The following SLC2A9 variants were observed in gnomAD, a reference collection of about 807,000 sequenced individuals.
SLC2A9 encodes solute carrier family 2 member 9, also known as solute carrier family 2, facilitated glucose transporter member 9.
SLC2A9 carries 39 observed loss-of-function variants against 50.6 expected under a neutral mutation model. The ratio of observed to expected loss-of-function variants is 0.77; its 90% CI spans 0.60 to 1.01. SLC2A9 has a LOEUF of 1.01. Ranked by LOEUF, SLC2A9 falls within the 50% of genes least tolerant of loss-of-function variation. SLC2A9 has a pLI of 0.00. For synonymous variants in SLC2A9, 324 were observed against 276.9 expected, an observed-to-expected ratio of 1.17 and a Z score of -1.69; for missense variants, 686 against 677.6, an observed-to-expected ratio of 1.01 and a Z score of -0.14.
intron 1 of SLC2A9, 88 bp from the exon 2 acceptor site, chr4:10,019,161 A>AAC: frequency 9.2e-7 from 1 of 1,090,374 alleles, no homozygotes; most frequent in Non-Finnish European, 1.4e-6. Context: ...CAGCTGGGGG[A>AAC]GGCCTTCCGG....
intron 5 of SLC2A9, among the ~76,000 whole-genome samples, chr4:9,951,149 T>C (rs183326701): frequency 2.6e-5 from 4 of 152,320 alleles, no homozygotes; most frequent in Admixed American, 2.6e-4. Flanking sequence ...TGGAATACTA[T>C]TTAGCCATTA....
At chr4:9,869,485 T>G (rs572584384) in intron 10 of SLC2A9, among the ~76,000 whole-genome samples, 1 of 152,286 alleles carries the variant, frequency 6.6e-6, no homozygotes, top group East Asian at 1.9e-4. Flanking sequence ...CTCCTTCCTC[T>G]TACAATGCCC....
chr4:10,033,934 G>A (rs532916633), intron 1 of SLC2A9, among the ~76,000 whole-genome samples: 3 of 152,136 alleles, frequency 2.0e-5, no homozygotes, highest in Non-Finnish European at 4.4e-5. Flanking sequence ...AGAGCTTTCC[G>A]CCCTTTTCAA....
At chr4:9,801,763 G>A (rs1721438424) in intron 3 of SLC2A9, among the ~76,000 whole-genome samples, 1 of 152,196 alleles carries the variant, frequency 6.6e-6, no homozygotes, top group Admixed American at 6.5e-5. Flanking sequence ...TCTCCTGCAC[G>A]TGGTGAATCT....
At chr4:9,832,615 G>C (rs1009830132) in intron 11 of SLC2A9, among the ~76,000 whole-genome samples, 1 of 152,184 alleles carries the variant, frequency 6.6e-6, no homozygotes, top group Non-Finnish European at 1.5e-5. Context: ...AATGCCCACA[G>C]GCATAAGAAA....
At chr4:9,888,116 T>TGG (rs60693286) in intron 9 of SLC2A9, among the ~76,000 whole-genome samples, 6 of 103,876 alleles carry the variant, frequency 5.8e-5, no homozygotes, top group East Asian at 2.7e-4. Flanking sequence ...GGGCCTGTTT[T>TGG]GGGGGGTGGG....
intron 11 of SLC2A9, among the ~76,000 whole-genome samples, chr4:9,833,397 A>G (rs184988464): frequency 1.3e-5 from 2 of 152,222 alleles, no homozygotes; most frequent in Non-Finnish European, 2.9e-5. Flanking sequence ...GAAGTTGAGC[A>G]CAAGGTGGTG....
intron 3 of SLC2A9, among the ~76,000 whole-genome samples, chr4:9,810,393 A>G (rs1159512882): frequency 1.3e-5 from 2 of 152,220 alleles, no homozygotes. Context: ...CAGGTGCAGC[A>G]TGAGCTCAGG....
intron 5 of SLC2A9, among the ~76,000 whole-genome samples, chr4:9,973,627 C>T (rs1264131353): frequency 1.4e-5 from 2 of 146,804 alleles, no homozygotes; most frequent in Non-Finnish European, 3.0e-5. Context: ...AACCAAACAC[C>T]GCATGTTCTC....
At chr4:9,850,733 C>T (rs1314944471) in intron 10 of SLC2A9, among the ~76,000 whole-genome samples, 1 of 152,178 alleles carries the variant, frequency 6.6e-6, no homozygotes, top group Non-Finnish European at 1.5e-5. Flanking sequence ...TCCCACATCG[C>T]TTTGCTGGTG....
At chr4:9,970,833 G>T (rs755045648) in intron 5 of SLC2A9, among the ~76,000 whole-genome samples, 2 of 152,186 alleles carry the variant, frequency 1.3e-5, no homozygotes, top group Non-Finnish European at 2.9e-5. Flanking sequence ...CCAAAACCAG[G>T]CCTGGGCCTG....
At chr4:10,014,302 CT>C (rs760449640) in intron 2 of SLC2A9, among the ~76,000 whole-genome samples, 21 of 152,338 alleles carry the variant, frequency 1.4e-4, no homozygotes, top group Non-Finnish European at 2.4e-4. Context: ...TCACAAGGGG[CT>C]CGACACCAGC....
At chr4:9,864,857 G>T (rs369857082) in intron 10 of SLC2A9, among the ~76,000 whole-genome samples, 3 of 152,244 alleles carry the variant, frequency 2.0e-5, no homozygotes, top group African/African-American at 4.8e-5. Context: ...TGGTTAAGTC[G>T]AGGATCTTCA....
intron 2 of SLC2A9, among the ~76,000 whole-genome samples, chr4:9,999,524 T>C (rs907502189): frequency 2.6e-5 from 4 of 152,080 alleles, no homozygotes; most frequent in African/African-American, 4.8e-5. Context: ...GGGAGAATTA[T>C]GCCAAGACAG....
chr4:10,035,743 C>G (rs1764082716), intron 1 of SLC2A9: 1 of 152,334 alleles, frequency 6.6e-6, no homozygotes, highest in African/African-American at 2.4e-5. Flanking sequence ...CTAGATCAAA[C>G]AAAATGGGCA....
At chr4:9,784,036 T>C (rs1260699563) in intron 3 of SLC2A9, 1 of 167,128 alleles carries the variant, frequency 6.0e-6, no homozygotes, top group Non-Finnish European at 1.5e-5. Context: ...TTTGCTTTGC[T>C]ACATTGGGTT....
chr4:9,826,544 A>G lies in SLC2A9; in HGVS notation c.1476T>C (p.Ala492=). Residue 492 remains alanine, a synonymous_variant, in exon 12 of 12, where the codon GCT becomes GCC. Transcript: ENST00000264784. ...CAGGCAGCACAAAATACAGGTAGAT[A>G]GCACCTGTGATACAAATTGTAGCAA... ...LVFATICITG[A]IYLYFVLPET... 1.2e-6 allele frequency: 2 copies of G among 1,614,092 alleles called. No homozygotes were observed. The highest frequency in any genetic ancestry group is 1.7e-6 in the Non-Finnish European group (2 of 1,179,964).
intron 10 of SLC2A9, among the ~76,000 whole-genome samples, chr4:9,880,781 C>T (rs927015944): frequency 1.3e-5 from 2 of 152,224 alleles, no homozygotes; most frequent in Admixed American, 6.5e-5. Context: ...TTCTTGCCCT[C>T]ATGACCTGCA....
At position 9,895,146 on chromosome 4, in the gene SLC2A9, G is replaced by C. The variant is rs527271127; in HGVS notation, c.1114-4435C>G. On this transcript the variant is annotated intron_variant, in intron 8 of 11. Coordinates refer to ENST00000264784, the MANE Select transcript of SLC2A9 (RefSeq NM_020041.3). ...TGCTGACGTTCAAATACTTTGGAAA[G>C]GGTGGGGTGAGGGACATGTGGCTTT... is the stretch of plus-strand genomic sequence containing the variant. Among the ~76,000 whole-genome samples the C allele has an allele frequency of 1.3e-5, 2 of 152,318 alleles. 1 individual carries two copies. Among genetic ancestry groups the C allele is most frequent in the South Asian group, 4.1e-4 (2 of 4,828 alleles).
Sources: gnomAD v4.1 joint callset for allele counts (sites outside exome capture counted in the v4.1 genomes callset) on GRCh38, gnomAD v4.1.1 for gene constraint, MANE v1.5 for transcripts, NCBI Gene and HGNC (gene_info 2026-07-23, HGNC 2026-07-21) for gene names.